CNKSR2: variants seen among roughly 807,000 people sequenced by gnomAD.
The protein encoded by CNKSR2 is connector enhancer of kinase suppressor of Ras 2.
A neutral mutation model predicts 84.4 loss-of-function variants in CNKSR2; 14 were observed. The ratio of observed to expected loss-of-function variants is 0.17; its 90% CI spans 0.11 to 0.26. CNKSR2 has a LOEUF of 0.26. CNKSR2 is among the 10% of genes least tolerant of loss of function. The pLI is 1.00. For synonymous variants in CNKSR2, 275 were observed against 277.9 expected (o/e 0.99, Z 0.10); for missense variants, 485 against 771.2 (o/e 0.63, Z 4.40).
intron 13 of CNKSR2, among the ~76,000 whole-genome samples, chrX:21,581,902 T>G (rs1794351675): frequency 9.0e-6 from 1 of 111,498 alleles, no homozygotes; most frequent in Non-Finnish European, 1.9e-5. Context: ...TGAGGAGTGT[T>G]TTGGGTGGAA....
intron 10 of CNKSR2, among the ~76,000 whole-genome samples, chrX:21,528,445 G>A (rs937480251): frequency 8.1e-5 from 9 of 111,276 alleles, no homozygotes; most frequent in Non-Finnish European, 1.7e-4. Flanking sequence ...GTTTTAAAAT[G>A]TTCTTTCCTC....
At chrX:21,485,433 G>A (rs146572508) in intron 5 of CNKSR2, among the ~76,000 whole-genome samples, 15 of 110,682 alleles carry the variant, frequency 1.4e-4, no homozygotes, top group African/African-American at 3.6e-4. Context: ...GTAAACCAGC[G>A]TGTATGTGTG....
chrX:21,591,558 GT>G (rs1314731835), intron 15 of CNKSR2: 12 of 108,086 alleles, frequency 1.1e-4, no homozygotes, highest in South Asian at 8.1e-4. Context: ...CTTTTTTCTG[GT>G]TTTTTTTTTC....
chrX:21,594,812 G>A (rs994946325), intron 15 of CNKSR2, 162 bp from the exon 16 acceptor site: 7 of 349,455 alleles, frequency 2.0e-5, no homozygotes, highest in African/African-American at 1.6e-4. Context: ...TTCAATTTAT[G>A]GAGTACAGCA....
chrX:21,563,252 C>A lies in CNKSR2; in HGVS notation c.1408C>A (p.Arg470=), dbSNP rs748042566. The stretch of plus-strand genomic sequence containing the variant: ...TTTTTATATAGAAAACTCTCTACTT[C>A]GGTATATGAGCAATGAAAAGATTGC... The part of the protein sequence containing the change: ...RDSRRENSLL[R]YMSNEKIAQE... The change falls in exon 13 of 22, where the codon CGG becomes AGG. Residue 470 remains arginine, a synonymous_variant. Coordinates refer to ENST00000379510, the MANE Select transcript of CNKSR2 (RefSeq NM_014927.5). The A allele has an allele frequency of 8.3e-7, 1 of 1,201,226 alleles. No individual in the cohort carries two copies. Among genetic ancestry groups the A allele is most frequent in the Non-Finnish European group, 1.1e-6 (1 of 888,488 alleles).
intron 1 of CNKSR2, among the ~76,000 whole-genome samples, chrX:21,403,625 A>C (rs2090222886): frequency 8.9e-6 from 1 of 111,813 alleles, no homozygotes; most frequent in South Asian, 3.7e-4. Context: ...AATTTATAGA[A>C]ACCCACAAAA....
At chrX:21,410,997 T>A (rs1005262244) in intron 1 of CNKSR2, among the ~76,000 whole-genome samples, 2 of 110,995 alleles carry the variant, frequency 1.8e-5, no homozygotes, top group Non-Finnish European at 3.8e-5. Flanking sequence ...TAATAGTAGA[T>A]GGTGCCCTTT....
At chrX:21,378,597 G>T (rs1230956275) in intron 1 of CNKSR2, among the ~76,000 whole-genome samples, 2 of 110,903 alleles carry the variant, frequency 1.8e-5, no homozygotes, top group Non-Finnish European at 3.8e-5. Context: ...TAGGGCCCCT[G>T]TTATTAACTT....
At chrX:21,526,763 T>G (rs756551525) in intron 9 of CNKSR2, 104 bp from the exon 10 acceptor site, 14 of 757,014 alleles carry the variant, frequency 1.8e-5, no homozygotes, top group Non-Finnish European at 2.7e-5. Context: ...AAATAGATAA[T>G]TTTAAAATGA....
chrX:21,379,189 A>G, intron 1 of CNKSR2, among the ~76,000 whole-genome samples: 1 of 113,059 alleles, frequency 8.8e-6, no homozygotes. Context: ...AGATGTTTTG[A>G]CAGGTACAAT....
chrX:21,450,083 G>T (rs750343674), intron 4 of CNKSR2, among the ~76,000 whole-genome samples: 5 of 111,378 alleles, frequency 4.5e-5, no homozygotes, highest in Non-Finnish European at 9.4e-5. Flanking sequence ...GTGTGTGTGT[G>T]TGAGACACAG....
intron 7 of CNKSR2, 116 bp from the exon 8 acceptor site, chrX:21,501,404 T>G (rs2091558491): frequency 2.6e-6 from 1 of 385,788 alleles, no homozygotes; most frequent in African/African-American, 2.6e-5. Context: ...TTCCTTGAAA[T>G]TTTTAATTAA....
chrX:21,621,278 G>A (rs1239234321), intron 20 of CNKSR2, among the ~76,000 whole-genome samples: 3 of 111,323 alleles, frequency 2.7e-5, no homozygotes, highest in Non-Finnish European at 5.7e-5. Flanking sequence ...CCTGCTCACT[G>A]TTGGCTCATA....
intron 2 of CNKSR2, among the ~76,000 whole-genome samples, chrX:21,431,395 A>G (rs762863937): frequency 2.7e-5 from 3 of 111,352 alleles, no homozygotes; most frequent in African/African-American, 9.8e-5. Context: ...GGTGACTTGT[A>G]GTTCCATTCT....
chrX:21,398,028 G>C (rs755554633), intron 1 of CNKSR2, among the ~76,000 whole-genome samples: 105 of 111,460 alleles, frequency 9.4e-4, no homozygotes, highest in African/African-American at 3.0e-3. Flanking sequence ...CATTTAAACT[G>C]TTCTGATTTC....
intron 20 of CNKSR2, among the ~76,000 whole-genome samples, chrX:21,622,320 G>A (rs563426732): frequency 9.0e-6 from 1 of 110,672 alleles, no homozygotes. Context: ...TTTTCTACTT[G>A]TTCATTTCTC....
intron 13 of CNKSR2, among the ~76,000 whole-genome samples, chrX:21,586,773 A>G (rs1298758994): frequency 9.0e-6 from 1 of 111,694 alleles, no homozygotes; most frequent in Non-Finnish European, 1.9e-5. Context: ...CACTCTATCG[A>G]TAAGATAAAC....
chrX:21,546,762 G>A (rs960910604), intron 11 of CNKSR2, among the ~76,000 whole-genome samples: 1 of 110,989 alleles, frequency 9.0e-6, no homozygotes, highest in South Asian at 3.8e-4. Context: ...AGAAGAGAGT[G>A]GGGGGCAACA....
chrX:21,633,657 CT>C (rs1329006535), intron 20 of CNKSR2, among the ~76,000 whole-genome samples: 1 of 111,819 alleles, frequency 8.9e-6, no homozygotes, highest in African/African-American at 3.3e-5. Context: ...ACATGTGATA[CT>C]AAATGTTAAA....
Sources: gnomAD v4.1 joint callset for allele counts (sites outside exome capture counted in the v4.1 genomes callset) on GRCh38, gnomAD v4.1.1 for gene constraint, MANE v1.5 for transcripts, NCBI Gene and HGNC (gene_info 2026-07-23, HGNC 2026-07-21) for gene names.